The following GRIN3A variants were observed in gnomAD, a reference collection of about 807,000 sequenced individuals.
GRIN3A encodes the protein glutamate ionotropic receptor NMDA type subunit 3A.
A neutral mutation model predicts 92.4 loss-of-function variants in GRIN3A; 47 were observed. The observed-to-expected ratio is 0.51, with a 90% CI of 0.40 to 0.65. The LOEUF (loss-of-function observed/expected upper bound fraction) is 0.65. Ranked by LOEUF, GRIN3A falls within the 30% of genes least tolerant of loss-of-function variation. The probability of loss-of-function intolerance (pLI) is 0.00; values close to 1 mark genes in which losing one functional copy is unlikely to be tolerated. For missense variants in GRIN3A, 1,324 were observed against 1,393.1 expected (o/e 0.95, Z 0.79); for synonymous variants, 527 against 540.6 (o/e 0.97, Z 0.35).
Position 101,737,688 on chromosome 9 carries a change from A to C in GRIN3A, c.292T>G (p.Leu98Val). The C allele has an allele frequency of 1.9e-6, 3 of 1,565,190 alleles. No individual in the cohort carries two copies. The highest frequency in any genetic ancestry group is 2.6e-6 in the Non-Finnish European group (3 of 1,159,606). The change falls in exon 1 of 9, where the codon TTG (leucine) becomes GTG (valine). Residue 98 changes from leucine to valine, a missense_variant. Transcript: ENST00000361820. ...SPAPSPGARW[L>V]GSTLHGRGPP... ...CCCCGGCCATGCAGGGTGCTCCCCA[A>C]CCAGCGTGCGCCCGGCGAGGGCGCC...
At chr9:101,584,561 A>T (rs1339485874) in intron 6 of GRIN3A, among the ~76,000 whole-genome samples, 1 of 152,204 alleles carries the variant, frequency 6.6e-6, no homozygotes, top group Non-Finnish European at 1.5e-5. Context: ...GGTGTCTAAG[A>T]GTGTTTTAGC....
At chr9:101,633,530 C>T (rs191145875) in intron 3 of GRIN3A, among the ~76,000 whole-genome samples, 5 of 152,224 alleles carry the variant, frequency 3.3e-5, no homozygotes, top group African/African-American at 9.6e-5. Flanking sequence ...GGTAATGGTC[C>T]GTGGTCTGGT....
At position 101,628,291 on chromosome 9, in the gene GRIN3A, A is replaced by G. The variant is rs766381774; in HGVS notation, c.2463T>C (p.Asn821=). The part of the protein sequence containing the change: ...PEMHEYMRRY[N]VPATPDGVEY... ...CCACTCCATCAGGGGTGGCTGGAAC[A>G]TTGTACCTTCTCATATATTCATGCA... is the stretch of plus-strand genomic sequence containing the variant. The change falls in exon 4 of 9, where the codon AAT becomes AAC. Residue 821 remains asparagine, a synonymous_variant. Transcript: ENST00000361820. 2 of 1,613,998 alleles carry G rather than the reference A, an allele frequency of 1.2e-6. No individual in the cohort carries two copies. The highest frequency in any genetic ancestry group is 1.3e-5 in the African/African-American group (1 of 75,044).
intron 3 of GRIN3A, among the ~76,000 whole-genome samples, chr9:101,645,480 C>A (rs1357765076): frequency 6.6e-6 from 1 of 151,696 alleles, no homozygotes; most frequent in Non-Finnish European, 1.5e-5. Context: ...CTTTGATATA[C>A]TGATTTCCTT....
intron 3 of GRIN3A, among the ~76,000 whole-genome samples, chr9:101,636,108 C>T (rs1828781383): frequency 6.6e-6 from 1 of 152,150 alleles, no homozygotes; most frequent in Non-Finnish European, 1.5e-5. Flanking sequence ...GTCTTGAACT[C>T]CTGACCTCAA....
At chr9:101,658,397 T>C (rs1829119591) in intron 3 of GRIN3A, among the ~76,000 whole-genome samples, 1 of 152,020 alleles carries the variant, frequency 6.6e-6, no homozygotes, top group African/African-American at 2.4e-5. Flanking sequence ...ACCTTTAGGC[T>C]GATGGTTAAT....
At chr9:101,653,743 A>G (rs1829044194) in intron 3 of GRIN3A, among the ~76,000 whole-genome samples, 1 of 151,772 alleles carries the variant, frequency 6.6e-6, no homozygotes, top group South Asian at 2.1e-4. Flanking sequence ...TATTGATACA[A>G]TTTGATATTC....
intron 6 of GRIN3A, among the ~76,000 whole-genome samples, chr9:101,602,095 T>TATA (rs1828218994): frequency 6.6e-6 from 1 of 152,120 alleles, no homozygotes; most frequent in South Asian, 2.1e-4. Context: ...GGAAGCCACC[T>TATA]ATACTGTGTG....
intron 3 of GRIN3A, among the ~76,000 whole-genome samples, chr9:101,656,565 A>G (rs186702840): frequency 2.0e-3 from 310 of 151,990 alleles, no homozygotes; most frequent in African/African-American, 6.8e-3. Context: ...CTCTGATTGT[A>G]TTGTGCAGAA....
chr9:101,627,375 T>C (rs976817980), intron 4 of GRIN3A, among the ~76,000 whole-genome samples: 1 of 152,206 alleles, frequency 6.6e-6, no homozygotes, highest in Non-Finnish European at 1.5e-5. Flanking sequence ...AACCCTTATG[T>C]TCCATGAAAT....
intron 3 of GRIN3A, among the ~76,000 whole-genome samples, chr9:101,666,128 A>T (rs2118942205): frequency 6.6e-6 from 1 of 151,350 alleles, no homozygotes; most frequent in East Asian, 2.0e-4. Context: ...ACATCCTGGG[A>T]CTCCTTATTC....
chr9:101,602,573 TAA>T (rs993690739), intron 6 of GRIN3A, among the ~76,000 whole-genome samples: 23 of 152,368 alleles, frequency 1.5e-4, no homozygotes, highest in African/African-American at 5.5e-4. Flanking sequence ...AGTTGCATAG[TAA>T]ATAGCATTTC....
chr9:101,581,604 C>T lies in GRIN3A; in HGVS notation c.2767-2244G>A, dbSNP rs60982489. 9.9e-3 allele frequency among the ~76,000 whole-genome samples: 1,510 copies of T among 152,226 alleles called. 27 individuals are homozygous for T. Among genetic ancestry groups the T allele is most frequent in the African/African-American group, 0.034 (1,426 of 41,518 alleles). On this transcript the variant is annotated intron_variant, in intron 6 of 8. Transcript: ENST00000361820. ...TGCCATCTTGGAAGCAGAGACTGGG[C>T]CCTTACTAAGACAATAAACTTGGTG...
intron 1 of GRIN3A, among the ~76,000 whole-genome samples, chr9:101,729,900 C>A (rs1291245556): frequency 2.0e-5 from 3 of 152,142 alleles, no homozygotes; most frequent in Non-Finnish European, 4.4e-5. Context: ...ACCTATGCAG[C>A]AGGGCACTGG....
At chr9:101,653,990 T>G (rs1331645134) in intron 3 of GRIN3A, among the ~76,000 whole-genome samples, 1 of 151,842 alleles carries the variant, frequency 6.6e-6, no homozygotes, top group Non-Finnish European at 1.5e-5. Context: ...CTTTCTGGGC[T>G]TTTCCATTTG....
At chr9:101,707,920 C>A (rs1023968126) in intron 1 of GRIN3A, among the ~76,000 whole-genome samples, 11 of 152,034 alleles carry the variant, frequency 7.2e-5, no homozygotes, top group African/African-American at 2.4e-4. Flanking sequence ...CTCACTTCTC[C>A]CTTGATAGTT....
At chr9:101,658,090 G>A (rs980002083) in intron 3 of GRIN3A, among the ~76,000 whole-genome samples, 2 of 151,944 alleles carry the variant, frequency 1.3e-5, no homozygotes, top group Non-Finnish European at 2.9e-5. Context: ...TAATGAAATA[G>A]TGAGTAGGAA....
chr9:101,704,526 C>T (rs1829789989), intron 1 of GRIN3A, among the ~76,000 whole-genome samples: 1 of 152,130 alleles, frequency 6.6e-6, no homozygotes, highest in South Asian at 2.1e-4. Context: ...TCAGTAGAAA[C>T]TATACTTCGA....
chr9:101,582,793 A>T (rs1827904858), intron 6 of GRIN3A, among the ~76,000 whole-genome samples: 1 of 152,198 alleles, frequency 6.6e-6, no homozygotes, highest in African/African-American at 2.4e-5. Context: ...CACTGCCAAG[A>T]TGAGGAGGAA....
Sources: allele counts gnomAD v4.1 joint callset (sites outside exome capture counted in the v4.1 genomes callset), GRCh38; gene constraint gnomAD v4.1.1; transcripts MANE v1.5; gene names NCBI Gene and HGNC (gene_info 2026-07-23, HGNC 2026-07-21).